Variants in PCSK1 observed in about 807,000 individuals in gnomAD.
The protein encoded by PCSK1 is proprotein convertase subtilisin/kexin type 1.
A neutral mutation model predicts 90.6 loss-of-function variants in PCSK1; 56 were observed. The observed-to-expected ratio is 0.62, with a 90% CI of 0.50 to 0.77. PCSK1 has a LOEUF of 0.77. Among genes scored for constraint, PCSK1 ranks in the 30% least tolerant of loss-of-function variants. The probability of loss-of-function intolerance (pLI) is 0.00; values close to 1 mark genes in which losing one functional copy is unlikely to be tolerated. For synonymous variants in PCSK1, 348 were observed against 342.4 expected (o/e 1.02, Z -0.18); for missense variants, 801 against 932.6 (o/e 0.86, Z 1.84).
At chr5:96,394,345 G>GA (rs1423575416) in intron 13 of PCSK1, among the ~76,000 whole-genome samples, 1 of 152,172 alleles carries the variant, frequency 6.6e-6, no homozygotes, top group African/African-American at 2.4e-5. Context: ...AATTTTTTGA[G>GA]AAAAAGTGTG....
intron 9 of PCSK1, among the ~76,000 whole-genome samples, chr5:96,406,947 A>G (rs1487440810): frequency 6.6e-6 from 1 of 152,168 alleles, no homozygotes; most frequent in Non-Finnish European, 1.5e-5. Flanking sequence ...AGACAGTTCA[A>G]TTTTTTTCCT....
intron 9 of PCSK1, among the ~76,000 whole-genome samples, chr5:96,402,265 C>T (rs530520268): frequency 2.0e-5 from 3 of 152,332 alleles, no homozygotes; most frequent in South Asian, 2.1e-4. Flanking sequence ...TTACCTGGCA[C>T]GACACACGGG....
At chr5:96,421,814 A>G in intron 5 of PCSK1, 66 bp downstream of exon 5, 3 of 885,990 alleles carry the variant, frequency 3.4e-6, no homozygotes, top group Non-Finnish European at 5.8e-6. Flanking sequence ...TATATGGTAT[A>G]ATTTTCTCAA....
chr5:96,431,475 A>G (rs2112453405), intron 1 of PCSK1, among the ~76,000 whole-genome samples: 1 of 152,244 alleles, frequency 6.6e-6, no homozygotes, highest in Non-Finnish European at 1.5e-5. Context: ...ATCAGTTGCA[A>G]TCATTTATCT....
chr5:96,397,624 A>G (rs1760204564), intron 11 of PCSK1, among the ~76,000 whole-genome samples, 155 bp from the exon 12 acceptor site: 2 of 152,224 alleles, frequency 1.3e-5, no homozygotes, highest in Non-Finnish European at 2.9e-5. Flanking sequence ...ACAAGGAAAA[A>G]ATATGATGTT....
chr5:96,400,725 G>T (rs886532359), intron 9 of PCSK1, among the ~76,000 whole-genome samples: 1 of 152,164 alleles, frequency 6.6e-6, no homozygotes, highest in African/African-American at 2.4e-5. Context: ...AGCTATTTGA[G>T]CTCACTCTTG....
Position 96,393,192 on chromosome 5 carries a change from CA to C in PCSK1, c.2070del (p.Ser690ArgfsTer18). On this transcript the variant is annotated frameshift_variant, in exon 14 of 14. Transcript: ENST00000311106. LOFTEE classifies it high-confidence loss of function. ...PPKQSPKKSP[S>X]AKLNIPYENF... ...TTTTCATAAGGGATGTTGAGCTTTG[CA>C]CTTGGGGACTTCTTTGGTGATTGCT... The C allele has an allele frequency of 6.2e-7, 1 of 1,614,136 alleles. No individual in the cohort carries two copies. Among genetic ancestry groups the C allele is most frequent in the Non-Finnish European group, 8.5e-7 (1 of 1,180,026 alleles).
chr5:96,428,986 C>A (rs13159579), intron 2 of PCSK1, among the ~76,000 whole-genome samples: 3 of 151,692 alleles, frequency 2.0e-5, no homozygotes, highest in African/African-American at 4.8e-5. Flanking sequence ...AATTAAACTG[C>A]GTATATATGT....
At chr5:96,413,891 G>A (rs1364183992) in intron 6 of PCSK1, among the ~76,000 whole-genome samples, 5 of 149,688 alleles carry the variant, frequency 3.3e-5, no homozygotes, top group South Asian at 2.1e-4. Flanking sequence ...AGGCCGAGGC[G>A]GGCGGATCAC....
chr5:96,425,788 C>T, intron 3 of PCSK1, 32 bp downstream of exon 3: 2 of 1,203,390 alleles, frequency 1.7e-6, no homozygotes, highest in East Asian at 2.3e-5. Flanking sequence ...GGTCCCAGGT[C>T]CCACCCACAT....
At chr5:96,406,485 G>C (rs1453794175) in intron 9 of PCSK1, among the ~76,000 whole-genome samples, 2 of 152,106 alleles carry the variant, frequency 1.3e-5, no homozygotes, top group East Asian at 3.9e-4. Flanking sequence ...CATCTTGCCA[G>C]CCCCTCCAAG....
chr5:96,416,289 G>T (rs1760937070), intron 5 of PCSK1, among the ~76,000 whole-genome samples, 168 bp from the exon 6 acceptor site: 1 of 152,106 alleles, frequency 6.6e-6, no homozygotes, highest in African/African-American at 2.4e-5. Flanking sequence ...TCAGATGAAG[G>T]GCACAAGTAT....
chr5:96,425,872 T>G lies in PCSK1; in HGVS notation c.344A>C (p.Asp115Ala), dbSNP rs200893367. 6.2e-7 allele frequency: 1 copy of G among 1,612,742 alleles called. No individual in the cohort carries two copies. Among genetic ancestry groups the G allele is most frequent in the Non-Finnish European group, 8.5e-7 (1 of 1,178,808 alleles). Residue 115 changes from aspartate (D) to alanine (A), a missense_variant, in exon 3 of 14, where the codon GAC (aspartate) becomes GCC (alanine). Transcript: ENST00000311106. Reference sequence around the variant, plus strand: ...ATCATTGAAGAGATTTAGTGCTGAGTCCCTTAGAGCTGAACGTTTACTTCT... The same window carrying G: ...ATCATTGAAGAGATTTAGTGCTGAGGCCCTTAGAGCTGAACGTTTACTTCT... Reference protein sequence around the residue: ...KERSKRSALRDSALNLFNDPM... With the variant: ...KERSKRSALRASALNLFNDPM...
At chr5:96,418,737 C>CT (rs1442490496) in intron 5 of PCSK1, among the ~76,000 whole-genome samples, 1 of 152,116 alleles carries the variant, frequency 6.6e-6, no homozygotes, top group Admixed American at 6.6e-5. Flanking sequence ...GAAGGCAAAT[C>CT]TACTTTTTAT....
At chr5:96,401,238 G>A (rs1760359932) in intron 9 of PCSK1, among the ~76,000 whole-genome samples, 1 of 152,130 alleles carries the variant, frequency 6.6e-6, no homozygotes, top group South Asian at 2.1e-4. Context: ...GAAAGATCTA[G>A]GAAAACTTTG....
At chr5:96,397,575 A>G (rs1323638403) in intron 11 of PCSK1, 106 bp from the exon 12 acceptor site, 1 of 1,062,114 alleles carries the variant, frequency 9.4e-7, no homozygotes, top group African/African-American at 1.6e-5. Context: ...GAGTTCTCCT[A>G]ATTTTCTCTT....
intron 9 of PCSK1, among the ~76,000 whole-genome samples, chr5:96,400,859 G>A (rs1329348792): frequency 2.4e-5 from 3 of 126,930 alleles, no homozygotes; most frequent in South Asian, 2.5e-4. Context: ...AGGCCGAGGC[G>A]GGCGGATCAC....
At chr5:96,421,201 TGCTCTTGGCCTCTGTG>T (rs1345523379) in intron 5 of PCSK1, among the ~76,000 whole-genome samples, 2 of 152,340 alleles carry the variant, frequency 1.3e-5, no homozygotes, top group East Asian at 3.9e-4. Flanking sequence ...TAGAAGATCT[TGCTCTTGGCCTCTGTG>T]GCTCTTGGCC....
chr5:96,424,999 GAAAGAAAGA>G (rs1202272571), intron 3 of PCSK1, among the ~76,000 whole-genome samples: 10 of 93,176 alleles, frequency 1.1e-4, no homozygotes, highest in Non-Finnish European at 1.9e-4. Context: ...GAAAGAAAGA[GAAAGAAAGA>G]AAAGAAAGAA....
Sources: allele counts gnomAD v4.1 joint callset (sites outside exome capture counted in the v4.1 genomes callset), GRCh38; gene constraint gnomAD v4.1.1; transcripts MANE v1.5; gene names NCBI Gene and HGNC (gene_info 2026-07-23, HGNC 2026-07-21).